The following SNF8 variants were observed in gnomAD, a reference collection of about 807,000 sequenced individuals.
The protein encoded by SNF8 is vacuolar-sorting protein SNF8.
SNF8 carries 19 observed loss-of-function variants against 36.8 expected under a neutral mutation model. The ratio of observed to expected loss-of-function variants is 0.52; its 90% CI spans 0.36 to 0.76. SNF8 has a LOEUF of 0.76. Among genes scored for constraint, SNF8 ranks in the 30% least tolerant of loss-of-function variants. SNF8 has a pLI of 0.00. For synonymous variants in SNF8, 127 were observed against 127.4 expected (o/e 1.00, Z 0.02); for missense variants, 268 against 322.9 (o/e 0.83, Z 1.30).
At chr17:48,944,021 A>T in intron 1 of SNF8, 46 bp from the exon 2 acceptor site, 1 of 1,592,518 alleles carries the variant, frequency 6.3e-7, no homozygotes, top group Non-Finnish European at 8.6e-7. Flanking sequence ...TGGGCGCTGG[A>T]GGCCAGGCGC....
intron 3 of SNF8, among the ~76,000 whole-genome samples, chr17:48,939,290 G>C (rs2040984545): frequency 6.6e-6 from 1 of 151,106 alleles, no homozygotes; most frequent in African/African-American, 2.4e-5. Context: ...AAAAACACTG[G>C]GGCCAGGCAC....
rs2040830862 is a variant in SNF8, at chr17:48,929,819, AC to A, written c.*655del. 6.6e-6 allele frequency: 1 copy of A among 151,964 alleles called. No homozygotes were observed. The highest frequency in any genetic ancestry group is 2.4e-5 in the African/African-American group (1 of 41,358). 9.4% of individuals were successfully genotyped at this position (151,964 alleles called of 1,614,324 possible). On this transcript the variant is annotated 3_prime_UTR_variant, in exon 8 of 8. Coordinates refer to ENST00000502492, the MANE Select transcript of SNF8 (RefSeq NM_007241.4). ...GCACAGGGTAGGTGTTCAGTAAATG[AC>A]TCCCTTTCCCACTACTGAGGCTAGA...
At chr17:48,934,189 CT>C (rs1271783215) in intron 5 of SNF8, among the ~76,000 whole-genome samples, 1 of 152,134 alleles carries the variant, frequency 6.6e-6, no homozygotes, top group Non-Finnish European at 1.5e-5. Flanking sequence ...GGAAAGGGCA[CT>C]TTTAGGTAGA....
chr17:48,944,674 T>C lies in SNF8; in HGVS notation c.54+7A>G. The C allele has an allele frequency of 1.2e-6, 2 of 1,612,808 alleles. No individual in the cohort carries two copies. Among genetic ancestry groups the C allele is most frequent in the Non-Finnish European group, 1.7e-6 (2 of 1,179,364 alleles). On this transcript the variant is annotated splice_region_variant and intron_variant, in intron 1 of 7. Transcript: ENST00000502492. ...GCAGGTTGTGGGTCGGCCTTCTTCC[T>C]GCTCACCTCTGCAAGTTTCTTCTTG...
intron 3 of SNF8, 28 bp downstream of exon 3, chr17:48,940,896 C>A: frequency 6.2e-7 from 1 of 1,608,612 alleles, no homozygotes; most frequent in Non-Finnish European, 8.5e-7. Context: ...TCTATAAGAA[C>A]GCTGGACCCC....
chr17:48,937,486 CAGG>C (rs896372444), intron 3 of SNF8, among the ~76,000 whole-genome samples: 1 of 152,078 alleles, frequency 6.6e-6, no homozygotes, highest in African/African-American at 2.4e-5. Flanking sequence ...ATAAATTAGC[CAGG>C]AGTGGTGGCG....
chr17:48,935,572 T>C (rs2040922595), intron 5 of SNF8: 1 of 151,026 alleles, frequency 6.6e-6, no homozygotes, highest in African/African-American at 2.4e-5. Flanking sequence ...TTCCAGTTAC[T>C]GGGGAGACTG....
intron 5 of SNF8, among the ~76,000 whole-genome samples, chr17:48,934,033 A>T (rs760600717): frequency 2.6e-5 from 4 of 152,256 alleles, no homozygotes; most frequent in Non-Finnish European, 1.5e-5. Context: ...GGCAATTCAA[A>T]CCCAATACTG....
intron 4 of SNF8, 29 bp from the exon 5 acceptor site, chr17:48,936,271 A>G (rs751579581): frequency 1.3e-6 from 2 of 1,550,340 alleles, no homozygotes; most frequent in Admixed American, 3.3e-5. Flanking sequence ...CAGAAATCAG[A>G]AAAAGAGATT....
At chr17:48,942,947 C>T (rs1342203677) in intron 2 of SNF8, among the ~76,000 whole-genome samples, 1 of 147,106 alleles carries the variant, frequency 6.8e-6, no homozygotes, top group Non-Finnish European at 1.5e-5. Flanking sequence ...CTCACTGCAA[C>T]CTCTGTCTCC....
intron 3 of SNF8, among the ~76,000 whole-genome samples, chr17:48,938,920 CAAAT>C: frequency 6.6e-6 from 1 of 151,492 alleles, no homozygotes; most frequent in East Asian, 1.9e-4. Context: ...GCCTGGCACA[CAAAT>C]AAATATCGTT....
At position 48,937,005 on chromosome 17, in the gene SNF8, C is replaced by A. The variant is rs954644741; in HGVS notation, c.349+15G>T. 12 of 1,593,266 alleles carry A rather than the reference C, an allele frequency of 7.5e-6. No individual in the cohort carries two copies. Among genetic ancestry groups the A allele is most frequent in the South Asian group, 1.1e-5 (1 of 90,730 alleles). On this transcript the variant is annotated intron_variant, in intron 4 of 7. Transcript: ENST00000502492. ...GAAGTCCAGAGTCCAGTTCACAGGA[C>A]CTAGCCACCCTCACCTCCATTCCGA...
At chr17:48,940,663 A>G (rs8182364) in intron 3 of SNF8, among the ~76,000 whole-genome samples, 62,544 of 151,856 alleles carry the variant, frequency 0.41, 15,394 homozygotes, top group East Asian at 0.71. Flanking sequence ...GGTCGCGAGC[A>G]CCTGTATTCC....
In SNF8 at chr17:48,932,945, ATGTC is replaced by A. The variant is rs1358198310; in HGVS notation, c.564+256_564+259del. 3.8e-5 allele frequency: 14 copies of A among 369,162 alleles called. No homozygotes were observed. In the East Asian group the frequency reaches 4.9e-4, roughly 13 times the overall value. The allele number at this position is 369,162 out of a possible 1,614,324, so 22.9% of individuals were successfully genotyped here. On this transcript the variant is annotated intron_variant, in intron 6 of 7. Coordinates refer to ENST00000502492, the MANE Select transcript of SNF8 (RefSeq NM_007241.4). Reference sequence around the variant, plus strand: ...CAAAGAAATCTAGTTAGTTGTCTGCATGTCTGTCTACCTGACTAGACTGTAAGCT... The same window carrying A: ...CAAAGAAATCTAGTTAGTTGTCTGCATGTCTACCTGACTAGACTGTAAGCT...
chr17:48,934,184 G>T (rs2040901353), intron 5 of SNF8, among the ~76,000 whole-genome samples: 1 of 152,148 alleles, frequency 6.6e-6, no homozygotes. Flanking sequence ...GCCAGGGAAA[G>T]GGCACTTTTA....
intron 5 of SNF8, 189 bp downstream of exon 5, chr17:48,935,973 ACTGTACTC>A (rs1393048222): frequency 2.0e-6 from 1 of 509,544 alleles, no homozygotes; most frequent in Admixed American, 3.3e-5. Flanking sequence ...TGATCATGCC[ACTGTACTC>A]CAGCCCGGGC....
intron 3 of SNF8, among the ~76,000 whole-genome samples, chr17:48,937,652 G>T (rs2040955891): frequency 6.6e-6 from 1 of 151,332 alleles, no homozygotes; most frequent in African/African-American, 2.4e-5. Flanking sequence ...ATACAGCCGG[G>T]GACAGTGGGT....
At chr17:48,936,994 A>G (rs745975120) in intron 4 of SNF8, 26 bp downstream of exon 4, 3 of 1,514,106 alleles carry the variant, frequency 2.0e-6, no homozygotes, top group Non-Finnish European at 2.8e-6. Context: ...TCCAGAGTCC[A>G]GTTCACAGGA....
At chr17:48,934,315 CTTT>C (rs869207502) in intron 5 of SNF8, among the ~76,000 whole-genome samples, 7 of 142,846 alleles carry the variant, frequency 4.9e-5, no homozygotes, top group South Asian at 2.2e-4. Context: ...TATCACTTTC[CTTT>C]TTTTTTTTTT....
Sources: gnomAD v4.1 joint callset for allele counts (sites outside exome capture counted in the v4.1 genomes callset) on GRCh38, gnomAD v4.1.1 for gene constraint, MANE v1.5 for transcripts, NCBI Gene and HGNC (gene_info 2026-07-23, HGNC 2026-07-21) for gene names.